Variants in FMO5 observed in about 807,000 individuals in gnomAD.
FMO5 encodes the protein flavin-containing monooxygenase 5.
Under a neutral mutation model 43.6 loss-of-function variants are expected in FMO5, and 51 were observed. That is an observed-to-expected ratio of 1.17 (90% CI 0.93 to 1.48). The LOEUF (loss-of-function observed/expected upper bound fraction) is 1.48, where lower values mean the gene tolerates loss of function less well. Ranked by LOEUF, FMO5 falls within the 40% of genes most tolerant of loss-of-function variation. The probability of loss-of-function intolerance (pLI) is 0.00; values close to 1 mark genes in which losing one functional copy is unlikely to be tolerated. For missense variants in FMO5, 644 were observed against 643.0 expected, an observed-to-expected ratio of 1.00 and a Z score of -0.02; for synonymous variants, 187 against 216.5, an observed-to-expected ratio of 0.86 and a Z score of 1.20.
chr1:147,205,406 C>T (rs1349729474), intron 6 of FMO5, among the ~76,000 whole-genome samples: 2 of 151,916 alleles, frequency 1.3e-5, no homozygotes, highest in Admixed American at 1.3e-4. Context: ...TTGATGTGAC[C>T]CACTAAGATC....
At chr1:147,221,374 G>A (rs1029474563) in intron 2 of FMO5, among the ~76,000 whole-genome samples, 1 of 152,116 alleles carries the variant, frequency 6.6e-6, no homozygotes, top group Non-Finnish European at 1.5e-5. Flanking sequence ...GAGGTGTACT[G>A]TAATTCTCTG....
chr1:147,224,820 T>G (rs1663733083), intron 2 of FMO5, 75 bp downstream of exon 2: 7 of 1,473,166 alleles, frequency 4.8e-6, no homozygotes, highest in Non-Finnish European at 6.6e-6. Flanking sequence ...CACCTGACAC[T>G]GTTAAGATAA....
At chr1:147,190,776 G>T (rs1228535532) in intron 7 of FMO5, among the ~76,000 whole-genome samples, 17 of 152,040 alleles carry the variant, frequency 1.1e-4, no homozygotes, top group Non-Finnish European at 1.8e-4. Flanking sequence ...CTGGTGTGCA[G>T]CACCCATTAA....
At chr1:147,204,274 C>T in intron 6 of FMO5, 1 of 1,010,244 alleles carries the variant, frequency 9.9e-7, no homozygotes, top group East Asian at 2.4e-5. Context: ...AAAAACCATG[C>T]CATGCAATAC....
chr1:147,220,113 C>T (rs992498210), intron 2 of FMO5, among the ~76,000 whole-genome samples: 1 of 152,158 alleles, frequency 6.6e-6, no homozygotes, highest in Admixed American at 6.5e-5. Context: ...GCTGGGATTA[C>T]AGGCATGAGC....
chr1:147,226,929 C>A (rs1227781717), upstream of FMO5, among the ~76,000 whole-genome samples: 2 of 151,540 alleles, frequency 1.3e-5, no homozygotes, highest in Non-Finnish European at 2.9e-5. Flanking sequence ...ATCTCCTGGG[C>A]TCAATCTACC....
In FMO5 at chr1:147,212,380, G is replaced by C. The variant is rs1355946176; in HGVS notation, c.630+13C>G. 8 of 1,613,242 alleles carry C rather than the reference G, an allele frequency of 5.0e-6. No individual in the cohort carries two copies. Among genetic ancestry groups the C allele is most frequent in the Non-Finnish European group, 6.8e-6 (8 of 1,179,624 alleles). On this transcript the variant is annotated intron_variant, in intron 5 of 8. Transcript: ENST00000254090. ...GAGTTAAGCAACGTAAATAATAATT[G>C]AGTGATTCAAACCTGCTTGGCTGTT...
intron 6 of FMO5, chr1:147,203,456 C>G (rs1659410232): frequency 1.2e-6 from 1 of 832,304 alleles, no homozygotes; most frequent in Non-Finnish European, 2.1e-6. Flanking sequence ...ATGTCCGTTA[C>G]AGCAGGGACT....
Position 147,213,350 on chromosome 1 carries a change from C to T in FMO5, c.445G>A (p.Gly149Ser), listed in dbSNP as rs782585785. The T allele has an allele frequency of 6.2e-7, 1 of 1,613,038 alleles. No homozygotes were observed. The highest frequency in any genetic ancestry group is 8.5e-7 in the Non-Finnish European group (1 of 1,179,488). ...GGTAGATGAGCATTGGTGTGATGGCCAGTGCAAACCATGACTCCATCAAAG... is the reference window on the plus strand; with the variant it reads ...GGTAGATGAGCATTGGTGTGATGGCTAGTGCAAACCATGACTCCATCAAAG... ...NVFDGVMVCT[G>S]HHTNAHLPLE... The change falls in exon 4 of 9, where the codon GGC becomes AGC. Residue 149 changes from glycine (G) to serine (S), a missense_variant. Coordinates refer to ENST00000254090, the MANE Select transcript of FMO5 (RefSeq NM_001461.4).
At chr1:147,192,047 G>A (rs1656960393) in intron 7 of FMO5, among the ~76,000 whole-genome samples, 1 of 152,124 alleles carries the variant, frequency 6.6e-6, no homozygotes, top group Non-Finnish European at 1.5e-5. Flanking sequence ...ATTCTGTGAA[G>A]AAAGTCATTG....
intron 8 of FMO5, among the ~76,000 whole-genome samples, chr1:147,189,350 G>C (rs72708565): frequency 0.037 from 5,616 of 151,992 alleles, 157 homozygotes; most frequent in South Asian, 0.095. Context: ...CAAAAGGTGA[G>C]AATTTAGAAA....
At chr1:147,190,731 G>A (rs1656571618) in intron 7 of FMO5, among the ~76,000 whole-genome samples, 1 of 152,084 alleles carries the variant, frequency 6.6e-6, no homozygotes, top group African/African-American at 2.4e-5. Flanking sequence ...TGTGCACAAT[G>A]TGCAGGTTTG....
chr1:147,201,488 G>T lies in FMO5; in HGVS notation c.847C>A (p.Pro283Thr). Reference protein sequence around the residue: ...KPKHRALSQHPTLNDDLPNRI... With the variant: ...KPKHRALSQHTTLNDDLPNRI... ...TTTGGCAGGTCATCATTTAAGGTTG[G>T]ATGCTGACTCAGAGCTCTGTGAGTC... The change falls in exon 7 of 9, where the codon CCA (proline) becomes ACA (threonine). Residue 283 changes from proline (P) to threonine (T), a missense_variant. Coordinates refer to ENST00000254090, the MANE Select transcript of FMO5 (RefSeq NM_001461.4). 6.2e-7 allele frequency: 1 copy of T among 1,613,370 alleles called. No individual in the cohort carries two copies. Among genetic ancestry groups the T allele is most frequent in the Non-Finnish European group, 8.5e-7 (1 of 1,179,470 alleles).
rs781864553 is a variant in FMO5 at position 147,215,808 on chromosome 1, C to T, written c.270G>A (p.Glu90=). ...ATTCTTTGGCATACATCCTGAAATA[C>T]TCCAGGACCTGGGCATTATGCATGA... The part of the protein sequence containing the change: ...PNFMHNAQVL[E]YFRMYAKEFD... Residue 90 remains glutamate, a synonymous_variant, in exon 3 of 9, where the codon GAG becomes GAA. Transcript: ENST00000254090. 5.9e-5 allele frequency: 95 copies of T among 1,613,660 alleles called. 1 individual carries two copies. The South Asian group carries it at 1.0e-3, about 18-fold the overall frequency.
At chr1:147,187,840 A>T (rs1397766661) in intron 8 of FMO5, among the ~76,000 whole-genome samples, 2 of 152,214 alleles carry the variant, frequency 1.3e-5, no homozygotes, top group East Asian at 3.8e-4. Flanking sequence ...AAAGGGGAAA[A>T]TGTGGTTGAT....
intron 8 of FMO5, among the ~76,000 whole-genome samples, chr1:147,188,557 T>C (rs1656055783): frequency 2.0e-5 from 3 of 147,954 alleles, no homozygotes; most frequent in Admixed American, 6.7e-5. Flanking sequence ...GCTATAGTAT[T>C]CATGAAGGTT....
At chr1:147,206,424 A>G (rs1328543985) in intron 6 of FMO5, among the ~76,000 whole-genome samples, 2 of 152,226 alleles carry the variant, frequency 1.3e-5, no homozygotes, top group Non-Finnish European at 2.9e-5. Flanking sequence ...TATATACCCA[A>G]AGGATTATAA....
At chr1:147,190,839 C>G (rs1553918291) in intron 7 of FMO5, among the ~76,000 whole-genome samples, 1 of 151,840 alleles carries the variant, frequency 6.6e-6, no homozygotes, top group Non-Finnish European at 1.5e-5. Context: ...CCCACTACCC[C>G]CACCCCACAA....
intron 7 of FMO5, 108 bp downstream of exon 7, chr1:147,201,044 G>T: frequency 1.3e-6 from 1 of 771,864 alleles, no homozygotes; most frequent in Non-Finnish European, 2.2e-6. Context: ...TTTGTGCTAG[G>T]CACTGTTGTA....
Sources: allele counts gnomAD v4.1 joint callset (sites outside exome capture counted in the v4.1 genomes callset), GRCh38; gene constraint gnomAD v4.1.1; transcripts MANE v1.5; gene names NCBI Gene and HGNC (gene_info 2026-07-23, HGNC 2026-07-21).